ATG5: variants seen among roughly 807,000 people sequenced by gnomAD.
The protein encoded by ATG5 is autophagy related 5, also known as autophagy protein 5.
A neutral mutation model predicts 36.5 loss-of-function variants in ATG5; 14 were observed. The ratio of observed to expected loss-of-function variants is 0.38; its 90% CI spans 0.25 to 0.60. ATG5 has a LOEUF of 0.60. Ranked by LOEUF, ATG5 falls within the 20% of genes least tolerant of loss-of-function variation. ATG5 has a pLI of 0.60. For synonymous variants in ATG5, 95 were observed against 101.5 expected, an observed-to-expected ratio of 0.94 and a Z score of 0.38; for missense variants, 195 against 326.7, an observed-to-expected ratio of 0.60 and a Z score of 3.11.
At chr6:106,310,247 T>C (rs1770599302) in intron 2 of ATG5, among the ~76,000 whole-genome samples, 1 of 152,144 alleles carries the variant, frequency 6.6e-6, no homozygotes. Context: ...ACAACTGTAA[T>C]TTTAAAAGAA....
chr6:106,250,992 A>C (rs532875280), intron 5 of ATG5, among the ~76,000 whole-genome samples: 125 of 152,374 alleles, frequency 8.2e-4, no homozygotes, highest in African/African-American at 2.9e-3. Flanking sequence ...CAGATACGCA[A>C]GTCTCTCAGC....
intron 5 of ATG5, among the ~76,000 whole-genome samples, chr6:106,267,855 A>T (rs558934551): frequency 1.3e-5 from 2 of 152,316 alleles, no homozygotes; most frequent in East Asian, 3.9e-4. Flanking sequence ...GGATAAAAAG[A>T]CTTAAATGTC....
chr6:106,198,105 A>G (rs544379074), intron 7 of ATG5, among the ~76,000 whole-genome samples: 8 of 149,600 alleles, frequency 5.3e-5, no homozygotes, highest in African/African-American at 1.7e-4. Flanking sequence ...AAACACCCTT[A>G]TAACAGAGAA....
chr6:106,243,644 A>G (rs1778212990), intron 6 of ATG5, among the ~76,000 whole-genome samples: 1 of 151,536 alleles, frequency 6.6e-6, no homozygotes, highest in African/African-American at 2.4e-5. Context: ...CAGCCTGACC[A>G]ATATGGTGAA....
chr6:106,281,836 C>G (rs2114606127), intron 4 of ATG5, among the ~76,000 whole-genome samples: 1 of 152,282 alleles, frequency 6.6e-6, no homozygotes, highest in Admixed American at 6.5e-5. Context: ...CTCAAACTTG[C>G]TACTGTCAAT....
intron 3 of ATG5, among the ~76,000 whole-genome samples, chr6:106,299,314 C>G (rs1160707952): frequency 6.6e-6 from 1 of 152,068 alleles, no homozygotes; most frequent in African/African-American, 2.4e-5. Context: ...AGTTGTTATA[C>G]CATATTGGAC....
intron 5 of ATG5, among the ~76,000 whole-genome samples, chr6:106,268,264 C>A (rs1411007769): frequency 6.6e-6 from 1 of 151,988 alleles, no homozygotes; most frequent in Admixed American, 6.6e-5. Flanking sequence ...ATGTGGCAAA[C>A]AAACATGAAA....
chr6:106,229,718 ACCCATAG>A (rs1777601099), intron 6 of ATG5, among the ~76,000 whole-genome samples: 1 of 152,094 alleles, frequency 6.6e-6, no homozygotes, highest in Admixed American at 6.5e-5. Flanking sequence ...ACCACTGACA[ACCCATAG>A]CCTTCCTATC....
intron 6 of ATG5, among the ~76,000 whole-genome samples, chr6:106,226,890 T>C (rs1021839959): frequency 4.6e-5 from 7 of 151,232 alleles, no homozygotes; most frequent in Non-Finnish European, 1.0e-4. Flanking sequence ...AATCAGCAAA[T>C]CTAAAGATAG....
chr6:106,315,666 A>C (rs1269372139), intron 2 of ATG5, among the ~76,000 whole-genome samples: 4 of 152,180 alleles, frequency 2.6e-5, no homozygotes, highest in Non-Finnish European at 5.9e-5. Flanking sequence ...CACTTTTAAC[A>C]AACAGTTGCT....
chr6:106,282,959 T>C (rs1248784671), intron 4 of ATG5, among the ~76,000 whole-genome samples: 2 of 152,092 alleles, frequency 1.3e-5, no homozygotes, highest in Non-Finnish European at 2.9e-5. Context: ...GCTAATTTTT[T>C]TAATTTTTTT....
intron 7 of ATG5, among the ~76,000 whole-genome samples, chr6:106,187,455 TC>T (rs544297872): frequency 1.8e-3 from 280 of 152,080 alleles, no homozygotes; most frequent in African/African-American, 6.3e-3. Flanking sequence ...AAGATTTTTG[TC>T]ATAGAAAAAC....
chr6:106,225,435 G>A (rs138168592), intron 6 of ATG5, among the ~76,000 whole-genome samples: 1 of 152,066 alleles, frequency 6.6e-6, no homozygotes, highest in Admixed American at 6.5e-5. Context: ...GCAATATACT[G>A]AGTTGAAATT....
chr6:106,268,486 C>T (rs997525103), intron 5 of ATG5, among the ~76,000 whole-genome samples: 3 of 152,104 alleles, frequency 2.0e-5, no homozygotes, highest in African/African-American at 7.2e-5. Flanking sequence ...CAAGGATCTA[C>T]AGCCAGAAAT....
At chr6:106,298,894 C>T (rs1206623565) in intron 3 of ATG5, among the ~76,000 whole-genome samples, 1 of 152,212 alleles carries the variant, frequency 6.6e-6, no homozygotes, top group African/African-American at 2.4e-5. Flanking sequence ...GTTTCTCTTA[C>T]ACTTTAATCT....
At chr6:106,221,711 G>GAAA (rs139451759) in intron 6 of ATG5, among the ~76,000 whole-genome samples, 43 of 144,110 alleles carry the variant, frequency 3.0e-4, no homozygotes, top group African/African-American at 8.4e-4. Flanking sequence ...AAGAAAGAAA[G>GAAA]AAAAAAAAAT....
chr6:106,319,890 G>T (rs1043705959), intron 1 of ATG5, among the ~76,000 whole-genome samples: 1 of 152,172 alleles, frequency 6.6e-6, no homozygotes, highest in African/African-American at 2.4e-5. Context: ...TAAAACTACA[G>T]AACCAAACAG....
chr6:106,246,667 G>A (rs974363290), intron 6 of ATG5, among the ~76,000 whole-genome samples: 2 of 152,118 alleles, frequency 1.3e-5, no homozygotes, highest in Non-Finnish European at 2.9e-5. Flanking sequence ...ATATATGCCA[G>A]AACTTGACCC....
Position 106,279,738 on chromosome 6 carries a change from G to A in ATG5, c.401C>T (p.Ala134Val). The A allele has an allele frequency of 6.2e-7, 1 of 1,607,500 alleles. No homozygotes were observed. Among genetic ancestry groups the A allele is most frequent in the Non-Finnish European group, 8.5e-7 (1 of 1,175,768 alleles). The change falls in exon 5 of 8, where the codon GCT (alanine) becomes GTT (valine). Residue 134 changes from alanine (A) to valine (V), a missense_variant. Coordinates refer to ENST00000369076, the MANE Select transcript of ATG5 (RefSeq NM_004849.4). The stretch of plus-strand genomic sequence containing the variant: ...GATTACTTGACTTTTATGTTTTAAA[G>A]CATCAGCTTCTTTCATACATGACAT... Reference protein sequence around the residue: ...HFMSCMKEADALKHKSQVINE... With the variant: ...HFMSCMKEADVLKHKSQVINE...
Sources: allele counts gnomAD v4.1 joint callset (sites outside exome capture counted in the v4.1 genomes callset), GRCh38; gene constraint gnomAD v4.1.1; transcripts MANE v1.5; gene names NCBI Gene and HGNC (gene_info 2026-07-23, HGNC 2026-07-21).